Variants in AOPEP observed in about 807,000 individuals in gnomAD.
AOPEP encodes the protein aminopeptidase O (putative), also known as aminopeptidase O.
In AOPEP, 77 loss-of-function variants were observed where a neutral mutation model predicts 98.1. That is an observed-to-expected ratio of 0.78 (90% CI 0.65 to 0.95). The LOEUF (loss-of-function observed/expected upper bound fraction) is 0.95, where lower values mean the gene tolerates loss of function less well. Among genes scored for constraint, AOPEP ranks in the 40% least tolerant of loss-of-function variants. The pLI, the probability that AOPEP is intolerant of heterozygous loss-of-function variation, is 0.00. For synonymous variants in AOPEP, 346 were observed against 365.3 expected (o/e 0.95, Z 0.60); for missense variants, 1,024 against 1,024.7 (o/e 1.00, Z 0.01).
intron 9 of AOPEP, among the ~76,000 whole-genome samples, chr9:94,963,398 T>A (rs1256592362): frequency 6.6e-6 from 1 of 152,138 alleles, no homozygotes; most frequent in Non-Finnish European, 1.5e-5. Context: ...AGTGTTTAAT[T>A]TAGTGTTGTT....
In AOPEP at chr9:95,003,090, T is replaced by G. The variant is rs571125898; in HGVS notation, c.1978-2068T>G. 2.0e-5 allele frequency among the ~76,000 whole-genome samples: 3 copies of G among 152,090 alleles called. No homozygotes were observed. The South Asian group carries it at 6.2e-4, about 32-fold the overall frequency. The stretch of plus-strand genomic sequence containing the variant: ...AGCAGAGCAAGACAGGGTTTCCAGG[T>G]CTCAGTTTCTAAGATCTTTCCAGTG... On this transcript the variant is annotated intron_variant, in intron 11 of 16. Transcript: ENST00000375315.
the AOPEP span, chr9:95,111,448 G>A: frequency 6.2e-7 from 1 of 1,609,082 alleles, no homozygotes; most frequent in African/African-American, 1.3e-5. Context: ...ACATGCAGTG[G>A]GGCCTGCTAC....
rs554131165 is a variant in AOPEP at position 94,908,786 on chromosome 9, G to T, written c.1365-15200G>T. On this transcript the variant is annotated intron_variant, in intron 5 of 16. Transcript: ENST00000375315. ...TCCATTTGCAATGCACAGATAAGGGGCACTGGAAATATATTCACCAATACA... is the reference window on the plus strand; with the variant it reads ...TCCATTTGCAATGCACAGATAAGGGTCACTGGAAATATATTCACCAATACA... Among the ~76,000 whole-genome samples the T allele has an allele frequency of 1.2e-4, 18 of 152,224 alleles. 1 individual carries two copies. The highest frequency in any genetic ancestry group is 4.3e-4 in the African/African-American group (18 of 41,530).
At chr9:94,754,818 T>G (rs1228815768) in intron 1 of AOPEP, among the ~76,000 whole-genome samples, 4 of 152,226 alleles carry the variant, frequency 2.6e-5, no homozygotes, top group Non-Finnish European at 5.9e-5. Context: ...CTTTGTAGCT[T>G]GAAAGGAGAA....
At chr9:95,008,256 G>T (rs1256586975) in intron 13 of AOPEP, among the ~76,000 whole-genome samples, 1 of 152,166 alleles carries the variant, frequency 6.6e-6, no homozygotes, top group African/African-American at 2.4e-5. Flanking sequence ...TCAGGATTCA[G>T]CCTAGATGAG....
At chr9:94,806,664 A>G (rs1453580982) in intron 5 of AOPEP, among the ~76,000 whole-genome samples, 2 of 152,140 alleles carry the variant, frequency 1.3e-5, no homozygotes, top group African/African-American at 4.8e-5. Flanking sequence ...TGTTATAGGT[A>G]GGGGCTTTCC....
chr9:95,001,775 TTTAC>T (rs1371147730), intron 11 of AOPEP, among the ~76,000 whole-genome samples: 1 of 152,144 alleles, frequency 6.6e-6, no homozygotes, highest in African/African-American at 2.4e-5. Flanking sequence ...TTTATCGTTA[TTTAC>T]TTATTAATAT....
intron 7 of AOPEP, among the ~76,000 whole-genome samples, chr9:94,943,682 G>A (rs1372784358): frequency 1.3e-5 from 2 of 151,320 alleles, no homozygotes; most frequent in East Asian, 1.9e-4. Flanking sequence ...ACTTTGGGAC[G>A]CTGAGGCGGG....
At chr9:95,041,446 G>GGGGTGTGTGT (rs1554813291) in intron 13 of AOPEP, among the ~76,000 whole-genome samples, 3 of 142,106 alleles carry the variant, frequency 2.1e-5, no homozygotes, top group East Asian at 2.1e-4. Context: ...AGTCCTTGGG[G>GGGGTGTGTGT]GTGTGTGTGT....
At chr9:94,873,209 C>T (rs2046548973) in intron 5 of AOPEP, among the ~76,000 whole-genome samples, 1 of 152,124 alleles carries the variant, frequency 6.6e-6, no homozygotes, top group Admixed American at 6.6e-5. Context: ...TGTTTCTAGT[C>T]CAGTTATCTG....
chr9:94,915,053 G>T (rs768997618), intron 5 of AOPEP, among the ~76,000 whole-genome samples: 1 of 152,152 alleles, frequency 6.6e-6, no homozygotes, highest in Non-Finnish European at 1.5e-5. Context: ...CAAAACATGT[G>T]TATGAGCCAG....
chr9:94,983,402 T>C lies in AOPEP; in HGVS notation c.1977+3975T>C, dbSNP rs72750357. Among the ~76,000 whole-genome samples the C allele has an allele frequency of 9.2e-3, 1,394 of 152,296 alleles. 12 individuals are homozygous for C. Among genetic ancestry groups the C allele is most frequent in the Non-Finnish European group, 0.017 (1,131 of 68,020 alleles). The stretch of plus-strand genomic sequence containing the variant: ...GGCCCTTCTGTACACACTTACCAAA[T>C]GTCTAATTTTCTTTCCTAGCACCTC... On this transcript the variant is annotated intron_variant, in intron 11 of 16. Transcript: ENST00000375315.
intron 5 of AOPEP, among the ~76,000 whole-genome samples, chr9:94,922,966 C>T (rs192765295): frequency 2.9e-4 from 44 of 152,266 alleles, no homozygotes; most frequent in African/African-American, 1.0e-3. Flanking sequence ...TGGCTTGTGC[C>T]GAGCCGACAT....
chr9:95,069,278 G>C (rs1335566877), intron 14 of AOPEP, among the ~76,000 whole-genome samples: 1 of 152,200 alleles, frequency 6.6e-6, no homozygotes, highest in Non-Finnish European at 1.5e-5. Flanking sequence ...TTCACCTCCA[G>C]GGAAAGTGAG....
At chr9:95,137,189 G>A in the AOPEP span, among the ~76,000 whole-genome samples, 1 of 152,180 alleles carries the variant, frequency 6.6e-6, no homozygotes, top group African/African-American at 2.4e-5. Context: ...GAGCTGGTGT[G>A]AAGCCCAGCA....
At chr9:94,935,040 C>A (rs1435149388) in intron 7 of AOPEP, 1 of 152,210 alleles carries the variant, frequency 6.6e-6, no homozygotes, top group Non-Finnish European at 1.5e-5. Flanking sequence ...AATTGTAATC[C>A]CCAGTGTTGG....
chr9:95,121,923 T>C, the AOPEP span, among the ~76,000 whole-genome samples: 2 of 150,578 alleles, frequency 1.3e-5, no homozygotes, highest in Non-Finnish European at 2.9e-5. Flanking sequence ...AGTGGCGCAA[T>C]CTCAGCTCAC....
Position 94,923,915 on chromosome 9 carries a change from C to G in AOPEP, c.1365-71C>G, listed in dbSNP as rs1588907300. On this transcript the variant is annotated intron_variant, in intron 5 of 16. Transcript: ENST00000375315. ...TAACAGGCTTGCCAGGCTAGGAAAG[C>G]TGCCCCATCGGATGGCCATGAGGAC... The G allele has an allele frequency of 3.7e-6, 4 of 1,081,092 alleles. 1 individual carries two copies. In the East Asian group the frequency reaches 1.3e-4, roughly 35 times the overall value. The allele number at this position is 1,081,092 out of a possible 1,614,324, so 67.0% of individuals were successfully genotyped here. A position where few individuals can be genotyped will look rare whatever the true frequency, so the allele number is the denominator to read the frequency against.
the AOPEP span, among the ~76,000 whole-genome samples, chr9:95,125,518 G>A: frequency 4.6e-5 from 7 of 152,152 alleles, no homozygotes; most frequent in Non-Finnish European, 1.0e-4. Flanking sequence ...GCTTTCACAA[G>A]TGGAGACGAA....
Sources: allele counts gnomAD v4.1 joint callset (sites outside exome capture counted in the v4.1 genomes callset), GRCh38; gene constraint gnomAD v4.1.1; transcripts MANE v1.5; gene names NCBI Gene and HGNC (gene_info 2026-07-23, HGNC 2026-07-21).